The following INPP5D variants were observed in gnomAD, a reference collection of about 807,000 sequenced individuals.
INPP5D encodes the protein inositol polyphosphate-5-phosphatase D, also known as phosphatidylinositol 3,4,5-trisphosphate 5-phosphatase 1.
Under a neutral mutation model 122.9 loss-of-function variants are expected in INPP5D, and 33 were observed. The observed-to-expected ratio is 0.27, with a 90% confidence interval of 0.20 to 0.36. The LOEUF (loss-of-function observed/expected upper bound fraction) is 0.36, where lower values mean the gene tolerates loss of function less well. INPP5D is among the 10% of genes least tolerant of loss of function. The pLI, the probability that INPP5D is intolerant of heterozygous loss-of-function variation, is 1.00. For missense variants in INPP5D, 1,053 were observed against 1,412.7 expected (o/e 0.75, Z 4.08); for synonymous variants, 584 against 576.2 (o/e 1.01, Z -0.19).
Position 233,183,746 on chromosome 2 carries a change from A to G in INPP5D, c.2162-662A>G, listed in dbSNP as rs4436949. Among the ~76,000 whole-genome samples, 44,466 of 152,078 alleles carry G rather than the reference A, an allele frequency of 0.29. 7,193 individuals are homozygous for G. Among genetic ancestry groups the G allele is most frequent in the East Asian group, 0.6 (3,082 of 5,162 alleles). On this transcript the variant is annotated intron_variant, in intron 19 of 26. Coordinates refer to ENST00000445964, the MANE Select transcript of INPP5D (RefSeq NM_001017915.3). The surrounding 1 kb of genome is among the most constrained non-coding windows in gnomAD (Gnocchi z 4.6). ...CCAAGCCTGGACTGGGCACTGTGGGATTTAGAAAGAGAAAGGAAAGAAGGA... is the reference window on the plus strand; with the variant it reads ...CCAAGCCTGGACTGGGCACTGTGGGGTTTAGAAAGAGAAAGGAAAGAAGGA...
At position 233,145,475 on chromosome 2, in the gene INPP5D, G is replaced by A. The variant is rs151329372; in HGVS notation, c.754-687G>A. The stretch of plus-strand genomic sequence containing the variant: ...TATTGGAAGGAGATGACTTTAGCTC[G>A]TGGTGATTGAAATGGAACAGAACAA... On this transcript the variant is annotated intron_variant, in intron 6 of 26. Transcript: ENST00000445964. 5.3e-3 allele frequency among the ~76,000 whole-genome samples: 804 copies of A among 152,336 alleles called. 4 individuals carry two copies. The highest frequency in any genetic ancestry group is 9.7e-3 in the Non-Finnish European group (657 of 68,020).
intron 2 of INPP5D, among the ~76,000 whole-genome samples, chr2:233,116,568 G>A (rs1018171132): frequency 6.6e-6 from 1 of 150,970 alleles, no homozygotes; most frequent in African/African-American, 2.4e-5. Context: ...GATTACAGGC[G>A]TGTGCCACCA....
At chr2:233,129,884 T>TTGTGTGTGTG (rs140392015) in intron 4 of INPP5D, among the ~76,000 whole-genome samples, 1 of 149,832 alleles carries the variant, frequency 6.7e-6, no homozygotes, top group African/African-American at 2.5e-5. Flanking sequence ...TGGCCTCCTT[T>TTGTGTGTGTG]TGTGTGTGTG....
Position 233,065,985 on chromosome 2 carries a change from A to T in INPP5D, c.134+5373A>T, listed in dbSNP as rs143635174. Reference sequence around the variant, plus strand: ...TATTATTTTATTTTTTATTTTTGAGACACGGTCTTTCGCTGTTGCCCAGGT... The same window carrying T: ...TATTATTTTATTTTTTATTTTTGAGTCACGGTCTTTCGCTGTTGCCCAGGT... On this transcript the variant is annotated intron_variant, in intron 1 of 26. Coordinates refer to ENST00000445964, the MANE Select transcript of INPP5D (RefSeq NM_001017915.3). Among the ~76,000 whole-genome samples, 50 of 148,584 alleles carry T rather than the reference A, an allele frequency of 3.4e-4. No homozygotes were observed. The East Asian group carries it at 9.3e-3, about 28-fold the overall frequency.
rs747995233 is a variant in INPP5D, at chr2:233,189,906, C to T, written c.2415C>T (p.Ser805=). The T allele has an allele frequency of 1.2e-6, 2 of 1,613,594 alleles. No homozygotes were observed. Among genetic ancestry groups the T allele is most frequent in the Non-Finnish European group, 1.7e-6 (2 of 1,179,656 alleles). ...TGCTAGACCAGCACATCCTCATCAG[C>T]ATCAAGTCCTCTGACAGCGACGAAT... ...EYLLDQHILI[S]IKSSDSDESY... is the part of the protein sequence containing the mutation. The change falls in exon 22 of 27, where the codon AGC becomes AGT. Residue 805 remains serine, a synonymous_variant. Transcript: ENST00000445964. The surrounding 1 kb of genome is among the most constrained non-coding windows in gnomAD (Gnocchi z 5.6).
At position 233,100,690 on chromosome 2, in the gene INPP5D, G is replaced by T. The variant is rs190319986; in HGVS notation, c.198+21292G>T. Among the ~76,000 whole-genome samples, 1 of 152,290 alleles carries T rather than the reference G, an allele frequency of 6.6e-6. No homozygotes were observed. The highest frequency in any genetic ancestry group is 6.5e-5 in the Admixed American group (1 of 15,292). The stretch of plus-strand genomic sequence containing the variant: ...CAGCCTGTTTTCTGCCTTGGGGTTT[G>T]GTCCCAGTTCCTCAGAGCAGTGACT... On this transcript the variant is annotated intron_variant, in intron 2 of 26. Coordinates refer to ENST00000445964, the MANE Select transcript of INPP5D (RefSeq NM_001017915.3). The surrounding 1 kb of genome is among the most constrained non-coding windows in gnomAD (Gnocchi z 5.3).
At chr2:233,198,955 A>C (rs537122345) in intron 25 of INPP5D, among the ~76,000 whole-genome samples, 1 of 145,544 alleles carries the variant, frequency 6.9e-6, no homozygotes, top group Admixed American at 6.9e-5. Context: ...CGTCTCAAAA[A>C]ACAACAAATT....
chr2:233,066,762 A>G (rs1224852419), intron 1 of INPP5D, among the ~76,000 whole-genome samples: 1 of 148,044 alleles, frequency 6.8e-6, no homozygotes, highest in East Asian at 2.0e-4. Flanking sequence ...GCATGCCACC[A>G]TGCCCGGCTA....
At chr2:233,081,255 G>A (rs1386578425) in intron 2 of INPP5D, among the ~76,000 whole-genome samples, 1 of 152,200 alleles carries the variant, frequency 6.6e-6, no homozygotes, top group African/African-American at 2.4e-5. Flanking sequence ...TCTGGGGCAG[G>A]CAGTTGGCCT....
At chr2:233,114,523 C>T (rs1011262959) in intron 2 of INPP5D, among the ~76,000 whole-genome samples, 10 of 152,310 alleles carry the variant, frequency 6.6e-5, no homozygotes, top group East Asian at 1.9e-4. Flanking sequence ...GCAGGGCAAA[C>T]GCGGCAGGAG....
chr2:233,201,552 G>C (rs1695342562), intron 25 of INPP5D, among the ~76,000 whole-genome samples: 1 of 152,238 alleles, frequency 6.6e-6, no homozygotes, highest in Admixed American at 6.5e-5. Context: ...CCCAGGCTCA[G>C]CCAGAGCAAA....
rs1694474142 is a variant in INPP5D at position 233,170,793 on chromosome 2, C to A, written c.1900+189C>A. 6.6e-6 allele frequency among the ~76,000 whole-genome samples: 1 copy of A among 151,320 alleles called. No homozygotes were observed. Among genetic ancestry groups the A allele is most frequent in the South Asian group, 2.1e-4 (1 of 4,800 alleles). On this transcript the variant is annotated intron_variant, in intron 16 of 26. Coordinates refer to ENST00000445964, the MANE Select transcript of INPP5D (RefSeq NM_001017915.3). The surrounding 1 kb of genome is among the most constrained non-coding windows in gnomAD (Gnocchi z 4.5). ...TGGTGGCGGGTGCCTGTAGTCCCAG[C>A]TACTTGGGAGGCTGAGGCAGGAGGA...
At chr2:233,162,013 G>T (rs551900778) in intron 11 of INPP5D, among the ~76,000 whole-genome samples, 187 bp downstream of exon 11, 1 of 152,138 alleles carries the variant, frequency 6.6e-6, no homozygotes, top group Non-Finnish European at 1.5e-5. Context: ...TTCCTGAGAT[G>T]ATGGGTAAGA....
chr2:233,079,259 G>T (rs1245161135), intron 1 of INPP5D, 76 bp from the exon 2 acceptor site: 1 of 905,766 alleles, frequency 1.1e-6, no homozygotes, highest in African/African-American at 1.6e-5. Context: ...GCTGTGTCAG[G>T]AAGTCTTGTC....
intron 17 of INPP5D, among the ~76,000 whole-genome samples, chr2:233,174,774 AGAGT>A (rs991857056): frequency 6.8e-5 from 10 of 147,532 alleles, no homozygotes. Flanking sequence ...CCTGGGCAAC[AGAGT>A]GAGACCCTGT....
intron 5 of INPP5D, chr2:233,134,270 G>A (rs1574754786): frequency 9.7e-6 from 3 of 307,762 alleles, no homozygotes. Context: ...AAGCTAGGAT[G>A]TGGGGGATGC....
Position 233,181,670 on chromosome 2 carries a change from T to C in INPP5D, c.2072-740T>C, listed in dbSNP as rs550819448. Among the ~76,000 whole-genome samples the C allele has an allele frequency of 2.1e-4, 32 of 152,348 alleles. No homozygotes were observed. In the South Asian group the frequency reaches 6.2e-3, roughly 30 times the overall value. ...CACCAAGCTCCTTAACAGAGTTTTC[T>C]ACACTTAGCGTCCTCCACTCTCTCC... On this transcript the variant is annotated intron_variant, in intron 18 of 26. Transcript: ENST00000445964.
In INPP5D at chr2:233,100,480, C is replaced by T. The variant is rs1692278656; in HGVS notation, c.198+21082C>T. ...GACGTCAAGCTCACTACACTGTAAA[C>T]TCCAAAACAGCCCACGTTACTCCCG... On this transcript the variant is annotated intron_variant, in intron 2 of 26. Transcript: ENST00000445964. This position sits in a 1 kb window ranked among gnomAD's most constrained non-coding sequence, Gnocchi z 5.3. Among the ~76,000 whole-genome samples the T allele has an allele frequency of 6.6e-6, 1 of 152,180 alleles. No individual in the cohort carries two copies. Among genetic ancestry groups the T allele is most frequent in the Non-Finnish European group, 1.5e-5 (1 of 68,032 alleles).
chr2:233,087,467 C>T (rs1049913642), intron 2 of INPP5D, among the ~76,000 whole-genome samples: 1 of 152,114 alleles, frequency 6.6e-6, no homozygotes, highest in Non-Finnish European at 1.5e-5. Flanking sequence ...GCTGGGACTA[C>T]AGGCACATGC....
Sources: gnomAD v4.1 joint callset for allele counts (sites outside exome capture counted in the v4.1 genomes callset) on GRCh38, gnomAD v4.1.1 for gene constraint, Gnocchi (gnomAD v3.1) non-coding constraint, MANE v1.5 for transcripts, NCBI Gene and HGNC (gene_info 2026-07-23, HGNC 2026-07-21) for gene names.